MAP2: variants seen among roughly 807,000 people sequenced by gnomAD.
MAP2 encodes the protein microtubule-associated protein 2.
In MAP2, 14 loss-of-function variants were observed where a neutral mutation model predicts 137.6. The observed-to-expected ratio is 0.10, with a 90% CI of 0.07 to 0.16. MAP2 has a LOEUF of 0.16. MAP2 is among the 10% of genes least tolerant of loss of function. The pLI is 1.00. For missense variants in MAP2, 2,088 were observed against 2,191.5 expected, an observed-to-expected ratio of 0.95 and a Z score of 0.94; for synonymous variants, 786 against 782.3, an observed-to-expected ratio of 1.00 and a Z score of -0.08.
chr2:209,696,760 A>T lies in MAP2; in HGVS notation c.4387+12A>T, dbSNP rs747333579. 2.5e-6 allele frequency: 4 copies of T among 1,595,904 alleles called. No individual in the cohort carries two copies. Among genetic ancestry groups the T allele is most frequent in the Non-Finnish European group, 3.4e-6 (4 of 1,174,196 alleles). ...GAGAAGGAAAAAAGGTTCATTTAAC[A>T]ATCACTTCTTTAAAAATGTTTTTGA... On this transcript the variant is annotated intron_variant, in intron 9 of 15. Coordinates refer to ENST00000682079, the MANE Select transcript of MAP2 (RefSeq NM_001375505.1).
chr2:209,559,479 CAAAAAAAA>C (rs59788211), intron 2 of MAP2, among the ~76,000 whole-genome samples: 1 of 37,544 alleles, frequency 2.7e-5, no homozygotes, highest in African/African-American at 7.8e-5. Context: ...GCCAAAAATA[CAAAAAAAA>C]AAAAAAAAAA....
At chr2:209,632,543 A>G (rs979203343) in intron 4 of MAP2, among the ~76,000 whole-genome samples, 1 of 152,156 alleles carries the variant, frequency 6.6e-6, no homozygotes, top group Non-Finnish European at 1.5e-5. Flanking sequence ...AACAGTAACT[A>G]CAAAGTCTCT....
intron 1 of MAP2, among the ~76,000 whole-genome samples, chr2:209,441,032 T>G (rs1697626930): frequency 6.6e-6 from 1 of 151,554 alleles, no homozygotes; most frequent in Admixed American, 6.6e-5. Context: ...ATTATAGTTG[T>G]GTGCTAAAAT....
At chr2:209,454,987 A>G (rs1701196327) in intron 1 of MAP2, among the ~76,000 whole-genome samples, 2 of 152,278 alleles carry the variant, frequency 1.3e-5, no homozygotes, top group South Asian at 2.1e-4. Context: ...GTAGACAGCC[A>G]TCTTCTTGCT....
intron 11 of MAP2, 157 bp from the exon 12 acceptor site, chr2:209,705,423 T>C: frequency 3.9e-6 from 2 of 511,722 alleles, no homozygotes; most frequent in Non-Finnish European, 6.3e-6. Context: ...TCTTTCTAAG[T>C]TATAAAGTAG....
At chr2:209,675,535 A>G (rs139733666) in intron 5 of MAP2, among the ~76,000 whole-genome samples, 21 of 151,984 alleles carry the variant, frequency 1.4e-4, no homozygotes, top group Middle Eastern at 3.4e-3. Context: ...CTCTGTTTCA[A>G]TGATTTTCAA....
At chr2:209,668,161 A>T (rs2047163003) in intron 5 of MAP2, among the ~76,000 whole-genome samples, 2 of 152,068 alleles carry the variant, frequency 1.3e-5, no homozygotes, top group Admixed American at 1.3e-4. Context: ...CTGATATAAA[A>T]CTTCATTGTC....
chr2:209,467,815 TC>T (rs1282913446), intron 1 of MAP2, among the ~76,000 whole-genome samples: 1 of 152,184 alleles, frequency 6.6e-6, no homozygotes, highest in Non-Finnish European at 1.5e-5. Context: ...TTTCTTAACA[TC>T]CGTTTGCCTC....
chr2:209,638,365 A>G (rs891475146), intron 4 of MAP2, among the ~76,000 whole-genome samples: 1 of 152,070 alleles, frequency 6.6e-6, no homozygotes, highest in African/African-American at 2.4e-5. Context: ...TTTTGGCCCA[A>G]CTCAACTGAT....
chr2:209,565,709 C>T (rs911030221), intron 2 of MAP2, among the ~76,000 whole-genome samples: 4 of 152,094 alleles, frequency 2.6e-5, no homozygotes, highest in Admixed American at 6.6e-5. Flanking sequence ...GTTAACTAAC[C>T]TAAGTTCCTA....
intron 1 of MAP2, among the ~76,000 whole-genome samples, chr2:209,447,800 G>A (rs962366963): frequency 6.6e-6 from 1 of 152,044 alleles, no homozygotes; most frequent in African/African-American, 2.4e-5. Flanking sequence ...TCAGAGAATA[G>A]TGGAAGATAA....
intron 4 of MAP2, among the ~76,000 whole-genome samples, chr2:209,650,862 C>T (rs1013930677): frequency 2.6e-5 from 4 of 151,986 alleles, no homozygotes; most frequent in African/African-American, 9.7e-5. Flanking sequence ...ATGTTATTTA[C>T]GTGAAACTTT....
At chr2:209,434,525 C>T (rs1695177744) in intron 1 of MAP2, among the ~76,000 whole-genome samples, 1 of 151,498 alleles carries the variant, frequency 6.6e-6, no homozygotes, top group African/African-American at 2.4e-5. Context: ...AAGGATCTTC[C>T]AGACTTGCAG....
chr2:209,598,133 G>A (rs966947522), intron 3 of MAP2, among the ~76,000 whole-genome samples: 1 of 152,120 alleles, frequency 6.6e-6, no homozygotes, highest in South Asian at 2.1e-4. Flanking sequence ...AGCCTCCCAC[G>A]TAGCTGGGAC....
At chr2:209,465,441 T>C (rs1703892429) in intron 1 of MAP2, among the ~76,000 whole-genome samples, 1 of 41,156 alleles carries the variant, frequency 2.4e-5, no homozygotes, top group South Asian at 7.5e-4. Flanking sequence ...CTAGTTTCTA[T>C]CATTGTAAGA....
In MAP2 at chr2:209,601,033, G is replaced by A. The variant is rs531410125; in HGVS notation, c.-107+20933G>A. Among the ~76,000 whole-genome samples the A allele has an allele frequency of 4.6e-5, 7 of 152,252 alleles. No individual in the cohort carries two copies. In the East Asian group the frequency reaches 1.4e-3, roughly 29 times the overall value. On this transcript the variant is annotated intron_variant, in intron 3 of 15. Coordinates refer to ENST00000682079, the MANE Select transcript of MAP2 (RefSeq NM_001375505.1). Reference sequence around the variant, plus strand: ...ATGACAGCTGTATGGCTCTTGTCAAGTTGCTCTGTAGGCACAGGTTTCTCA... The same window carrying A: ...ATGACAGCTGTATGGCTCTTGTCAAATTGCTCTGTAGGCACAGGTTTCTCA...
chr2:209,659,969 C>T (rs2042652745), intron 5 of MAP2, among the ~76,000 whole-genome samples: 1 of 151,862 alleles, frequency 6.6e-6, no homozygotes, highest in African/African-American at 2.4e-5. Flanking sequence ...ACCCAGGAGG[C>T]GGAGCTTGCA....
chr2:209,603,504 A>T (rs1183898934), intron 3 of MAP2, among the ~76,000 whole-genome samples: 4 of 152,118 alleles, frequency 2.6e-5, no homozygotes, highest in Non-Finnish European at 5.9e-5. Flanking sequence ...TTATATGTAG[A>T]AGAGGAAAGC....
chr2:209,652,543 G>C (rs1393271926), intron 4 of MAP2, among the ~76,000 whole-genome samples: 2 of 152,104 alleles, frequency 1.3e-5, no homozygotes, highest in African/African-American at 4.8e-5. Context: ...TACATATCCA[G>C]AAAAGTGTAT....
Sources: allele counts gnomAD v4.1 joint callset (sites outside exome capture counted in the v4.1 genomes callset), GRCh38; gene constraint gnomAD v4.1.1; transcripts MANE v1.5; gene names NCBI Gene and HGNC (gene_info 2026-07-23, HGNC 2026-07-21).